DSE: variants seen among roughly 807,000 people sequenced by gnomAD.
DSE encodes dermatan sulfate epimerase, also known as dermatan-sulfate epimerase.
A neutral mutation model predicts 84.4 loss-of-function variants in DSE; 36 were observed. The observed-to-expected ratio is 0.43, with a 90% CI of 0.33 to 0.56. The LOEUF (loss-of-function observed/expected upper bound fraction) is 0.56. Among genes scored for constraint, DSE ranks in the 20% least tolerant of loss-of-function variants. The probability of loss-of-function intolerance (pLI) is 0.06; values close to 1 mark genes in which losing one functional copy is unlikely to be tolerated. For missense variants in DSE, 862 were observed against 1,169.6 expected, an observed-to-expected ratio of 0.74 and a Z score of 3.84; for synonymous variants, 410 against 430.1, an observed-to-expected ratio of 0.95 and a Z score of 0.58.
intron 2 of DSE, among the ~76,000 whole-genome samples, chr6:116,422,870 A>C (rs547660590): frequency 1.3e-5 from 2 of 152,334 alleles, no homozygotes; most frequent in African/African-American, 4.8e-5. Flanking sequence ...CTTATTTGTG[A>C]ATTCTCTAAA....
intron 2 of DSE, among the ~76,000 whole-genome samples, chr6:116,327,473 C>T (rs545549644): frequency 6.6e-6 from 1 of 152,252 alleles, no homozygotes; most frequent in East Asian, 1.9e-4. Context: ...CTTTCCACCA[C>T]CTATGATGTT....
intron 2 of DSE, among the ~76,000 whole-genome samples, chr6:116,314,179 A>G (rs1670901419): frequency 6.6e-6 from 1 of 152,170 alleles, no homozygotes; most frequent in Admixed American, 6.5e-5. Flanking sequence ...AATAAGGATA[A>G]GAGATTTTGC....
intron 1 of DSE, among the ~76,000 whole-genome samples, chr6:116,385,292 G>A (rs1008835396): frequency 6.6e-5 from 10 of 152,186 alleles, no homozygotes; most frequent in Admixed American, 2.6e-4. Flanking sequence ...GTTTTAAATA[G>A]AGTGGTGACA....
chr6:116,290,256 G>A (rs563774143), intron 2 of DSE, among the ~76,000 whole-genome samples: 13 of 152,054 alleles, frequency 8.5e-5, no homozygotes, highest in South Asian at 2.1e-4. Flanking sequence ...TAATAACTTC[G>A]TTTTCTTGGA....
chr6:116,360,130 A>G (rs1218509875), intron 2 of DSE, among the ~76,000 whole-genome samples: 2 of 152,158 alleles, frequency 1.3e-5, no homozygotes, highest in Non-Finnish European at 2.9e-5. Flanking sequence ...GCATGTTCTC[A>G]CTTATAAGTA....
intron 2 of DSE, chr6:116,259,013 G>C (rs1023786226): frequency 4.6e-6 from 7 of 1,507,588 alleles, no homozygotes; most frequent in East Asian, 2.3e-5. Context: ...TAATCCTGCA[G>C]GGAAATGTCA....
chr6:116,395,573 C>CT (rs796076527), intron 1 of DSE, among the ~76,000 whole-genome samples: 75 of 151,464 alleles, frequency 5.0e-4, no homozygotes, highest in African/African-American at 1.7e-3. Flanking sequence ...TATCCATTTA[C>CT]TTTTTTTTTA....
intron 2 of DSE, among the ~76,000 whole-genome samples, chr6:116,335,152 A>G (rs896159688): frequency 1.3e-5 from 2 of 152,224 alleles, no homozygotes; most frequent in Non-Finnish European, 2.9e-5. Flanking sequence ...AGATTTGATA[A>G]AGAAAATGTG....
rs186986634 is a variant in DSE at position 116,418,777 on chromosome 6, T to A, written c.417-7797T>A. Among the ~76,000 whole-genome samples, 140 of 152,328 alleles carry A rather than the reference T, an allele frequency of 9.2e-4. 1 individual carries two copies. The highest frequency in any genetic ancestry group is 3.3e-3 in the African/African-American group (136 of 41,576). On this transcript the variant is annotated intron_variant, in intron 2 of 5. Transcript: ENST00000644252. ...CCTCACTAAGAAGGCAAAACCATTC[T>A]AGATTCAGATAATTCAGATAATTCT...
chr6:116,259,114 A>G (rs1376764291), intron 2 of DSE: 3 of 1,444,200 alleles, frequency 2.1e-6, no homozygotes, highest in Non-Finnish European at 2.9e-6. Context: ...CCACTCAGTC[A>G]TCGTGAGAAC....
intron 2 of DSE, among the ~76,000 whole-genome samples, chr6:116,361,925 C>A (rs1778918895): frequency 6.6e-6 from 1 of 152,142 alleles, no homozygotes; most frequent in Non-Finnish European, 1.5e-5. Context: ...TAGAGCTATT[C>A]TATCATCCTC....
At chr6:116,258,350 CT>C in intron 1 of DSE, 2 of 585,534 alleles carry the variant, frequency 3.4e-6, no homozygotes, top group Admixed American at 2.6e-5. Context: ...TTATAACTCC[CT>C]TTTCCTTTCT....
At chr6:116,316,041 T>C (rs1775957150) in intron 2 of DSE, among the ~76,000 whole-genome samples, 1 of 152,046 alleles carries the variant, frequency 6.6e-6, no homozygotes, top group African/African-American at 2.4e-5. Context: ...TTACATACTC[T>C]GAAGGAATTT....
chr6:116,336,107 A>T (rs1777236954), intron 2 of DSE, among the ~76,000 whole-genome samples: 1 of 152,122 alleles, frequency 6.6e-6, no homozygotes, highest in Non-Finnish European at 1.5e-5. Context: ...TCAGATATCA[A>T]CTCCTTTGGA....
At chr6:116,422,841 C>T (rs571485175) in intron 2 of DSE, among the ~76,000 whole-genome samples, 2 of 152,226 alleles carry the variant, frequency 1.3e-5, no homozygotes, top group South Asian at 2.1e-4. Flanking sequence ...AACATCTTTA[C>T]GTTATTATGA....
At chr6:116,269,150 C>A (rs1772765558) in intron 2 of DSE, among the ~76,000 whole-genome samples, 1 of 152,126 alleles carries the variant, frequency 6.6e-6, no homozygotes, top group African/African-American at 2.4e-5. Context: ...CCTTTGAAAT[C>A]AAACAGATCT....
At chr6:116,367,035 G>A (rs1224819033), upstream of DSE, 1 of 152,212 alleles carries the variant, frequency 6.6e-6, no homozygotes, top group Admixed American at 6.5e-5. Context: ...CGAAGCTTGA[G>A]TCATCTGGAG....
chr6:116,433,614 C>T, intron 5 of DSE, 64 bp downstream of exon 5: 1 of 1,491,932 alleles, frequency 6.7e-7, no homozygotes, highest in South Asian at 1.3e-5. Context: ...ATGCTATGCA[C>T]TTGTTTTTTT....
chr6:116,391,702 T>G (rs1359950199), intron 1 of DSE, among the ~76,000 whole-genome samples: 1 of 150,784 alleles, frequency 6.6e-6, no homozygotes, highest in Non-Finnish European at 1.5e-5. Flanking sequence ...GAGGTGGAGC[T>G]TGCAGTGAGC....
Sources: gnomAD v4.1 joint callset for allele counts (sites outside exome capture counted in the v4.1 genomes callset) on GRCh38, gnomAD v4.1.1 for gene constraint, MANE v1.5 for transcripts, NCBI Gene and HGNC (gene_info 2026-07-23, HGNC 2026-07-21) for gene names.